RPGRIP1: variants seen among roughly 807,000 people sequenced by gnomAD.
RPGRIP1 encodes X-linked retinitis pigmentosa GTPase regulator-interacting protein 1.
RPGRIP1 carries 128 observed loss-of-function variants against 157.9 expected under a neutral mutation model. The ratio of observed to expected loss-of-function variants is 0.81; its 90% CI spans 0.70 to 0.94. The LOEUF (loss-of-function observed/expected upper bound fraction) is 0.94. RPGRIP1 is among the 40% of genes least tolerant of loss of function. RPGRIP1 has a pLI of 0.00. For synonymous variants in RPGRIP1, 554 were observed against 571.6 expected (o/e 0.97, Z 0.44); for missense variants, 1,486 against 1,545.8 (o/e 0.96, Z 0.65).
chr14:21,317,726 G>A lies in RPGRIP1; in HGVS notation c.1182G>A (p.Gln394=). ...SMLDSSDSSS[Q]PHWSNELIAE... Reference sequence around the variant, plus strand: ...TGGACAGCAGTGACAGCTCCAGTCAGCCCCACTGGAGCAACGAGCTCATAG... The same window carrying A: ...TGGACAGCAGTGACAGCTCCAGTCAACCCCACTGGAGCAACGAGCTCATAG... Residue 394 remains glutamine (Q), a synonymous_variant, in exon 11 of 25, where the codon CAG becomes CAA. Transcript: ENST00000400017. 13 of 1,588,238 alleles carry A rather than the reference G, an allele frequency of 8.2e-6. No homozygotes were observed. The highest frequency in any genetic ancestry group is 1.0e-5 in the Non-Finnish European group (12 of 1,167,264).
intron 1 of RPGRIP1, among the ~76,000 whole-genome samples, chr14:21,281,791 G>A (rs1375322571): frequency 6.6e-6 from 1 of 150,800 alleles, no homozygotes; most frequent in East Asian, 1.9e-4. Context: ...GTGATACAGA[G>A]TGTAAAAAAG....
Position 21,301,234 on chromosome 14 carries a change from AGG to A in RPGRIP1, c.490_490+1del. ...TGCACCGGTGCCGGAGAAACCCAAGAGGGGTGAGATTTAAGGCTACATCCCCT... is the reference window on the plus strand; with the variant it reads ...TGCACCGGTGCCGGAGAAACCCAAGAGGTGAGATTTAAGGCTACATCCCCT... ...AGAPVPEKPK[R>X]GPRDRLSYTA... is the part of the protein sequence containing the mutation. On this transcript the variant is annotated frameshift_variant and splice_region_variant, in exon 4 of 25. Coordinates refer to ENST00000400017, the MANE Select transcript of RPGRIP1 (RefSeq NM_020366.4). LOFTEE classifies it high-confidence loss of function. 6.3e-7 allele frequency: 1 copy of A among 1,584,948 alleles called. No individual in the cohort carries two copies. Among genetic ancestry groups the A allele is most frequent in the African/African-American group, 1.3e-5 (1 of 74,348 alleles).
At chr14:21,340,695 G>A (rs191562872) in intron 21 of RPGRIP1, among the ~76,000 whole-genome samples, 154 of 152,232 alleles carry the variant, frequency 1.0e-3, no homozygotes, top group African/African-American at 3.6e-3. Context: ...ACTCTAGACA[G>A]TCTGATATAA....
In RPGRIP1 at chr14:21,324,768, C is replaced by T. The variant is rs1010290273; in HGVS notation, c.1913C>T (p.Thr638Ile). Reference sequence around the variant, plus strand: ...CTGCACATCCACCAGGCCTTCCTGACATCTGCCGCCCTAGCTCAGGCTGGA... The same window carrying T: ...CTGCACATCCACCAGGCCTTCCTGATATCTGCCGCCCTAGCTCAGGCTGGA... ...FELHIHQAFL[T>I]SAALAQAGDT... is the part of the protein sequence containing the mutation. Residue 638 changes from threonine (T) to isoleucine (I), a missense_variant, in exon 15 of 25, where the codon ACA becomes ATA. Transcript: ENST00000400017. 18 of 1,613,968 alleles carry T rather than the reference C, an allele frequency of 1.1e-5. No individual in the cohort carries two copies. Among genetic ancestry groups the T allele is most frequent in the Non-Finnish European group, 1.5e-5 (18 of 1,179,910 alleles).
intron 3 of RPGRIP1, among the ~76,000 whole-genome samples, chr14:21,295,639 A>G (rs1309235985): frequency 6.6e-6 from 1 of 151,906 alleles, no homozygotes; most frequent in African/African-American, 2.4e-5. Flanking sequence ...ATGCGCCACC[A>G]CACTCAGCTA....
At chr14:21,342,641 C>A (rs1433818977) in intron 21 of RPGRIP1, among the ~76,000 whole-genome samples, 1 of 151,988 alleles carries the variant, frequency 6.6e-6, no homozygotes, top group Non-Finnish European at 1.5e-5. Context: ...TTTATATATT[C>A]CACTGTGGTG....
intron 21 of RPGRIP1, among the ~76,000 whole-genome samples, chr14:21,341,212 A>G (rs1389300925): frequency 2.6e-5 from 4 of 151,980 alleles, no homozygotes; most frequent in Non-Finnish European, 2.9e-5. Context: ...TGTATTTTTA[A>G]TAGAGATGCG....
intron 23 of RPGRIP1, among the ~76,000 whole-genome samples, chr14:21,347,435 CAAT>C (rs1194818116): frequency 1.3e-5 from 2 of 152,140 alleles, no homozygotes; most frequent in Non-Finnish European, 2.9e-5. Flanking sequence ...TTGAAGTTCT[CAAT>C]AATGACATAG....
intron 21 of RPGRIP1, among the ~76,000 whole-genome samples, chr14:21,338,858 G>T (rs1225327572): frequency 2.6e-5 from 4 of 152,258 alleles, no homozygotes; most frequent in Admixed American, 2.6e-4. Context: ...TAAAAAATTT[G>T]CTGGGTGTGG....
At position 21,351,102 on chromosome 14, in the gene RPGRIP1, A is replaced by G. The variant is rs376517859; in HGVS notation, c.3749-2A>G. The G allele has an allele frequency of 5.0e-6, 8 of 1,588,074 alleles. No homozygotes were observed. The African/African-American group carries it at 1.1e-4, about 21-fold the overall frequency. ...ATGCTGTTTTTTTCCCTTTCCCAACAGTTGTTAGCCCTGAAGATCTGGCTA... is the reference window on the plus strand; with the variant it reads ...ATGCTGTTTTTTTCCCTTTCCCAACGGTTGTTAGCCCTGAAGATCTGGCTA... On this transcript the variant is annotated splice_acceptor_variant, in intron 24 of 24. Coordinates refer to ENST00000400017, the MANE Select transcript of RPGRIP1 (RefSeq NM_020366.4). LOFTEE classifies it high-confidence loss of function.
rs757642045 is a variant in RPGRIP1, at chr14:21,325,033, G to T, written c.2178G>T (p.Glu726Asp). 1 of 1,613,092 alleles carries T rather than the reference G, an allele frequency of 6.2e-7. No homozygotes were observed. The highest frequency in any genetic ancestry group is 1.1e-5 in the South Asian group (1 of 91,062). The change falls in exon 15 of 25, where the codon GAG (glutamate) becomes GAT (aspartate). Residue 726 changes from glutamate (E) to aspartate (D), a missense_variant. Physicochemically the swap from Glu to Asp is conservative, Grantham distance 45. Coordinates refer to ENST00000400017, the MANE Select transcript of RPGRIP1 (RefSeq NM_020366.4). ...GGATTTGCTTTGACAGGGTGCTAGA[G>T]ACTGTGGAGAAAGTCCATGGCTTGG... ...AGWICFDRVL[E>D]TVEKVHGLAT... is the part of the protein sequence containing the mutation.
rs756920414 is a variant in RPGRIP1 at position 21,311,849 on chromosome 14, A to G, written c.956A>G (p.His319Arg). The G allele has an allele frequency of 2.5e-6, 4 of 1,609,990 alleles. No individual in the cohort carries two copies. Among genetic ancestry groups the G allele is most frequent in the Non-Finnish European group, 3.4e-6 (4 of 1,178,386 alleles). ...QKNQGILSAAHEALLKQVNEL... is the reference protein window; with the variant it reads ...QKNQGILSAAREALLKQVNEL... The stretch of plus-strand genomic sequence containing the variant: ...AATCAGGGAATCCTGAGTGCAGCCC[A>G]TGAGGCCCTCCTCAAGCAAGTGAAT... The change falls in exon 9 of 25, where the codon CAT becomes CGT. Residue 319 changes from histidine to arginine, a missense_variant. Physicochemically the swap from His to Arg is conservative, Grantham distance 29. Transcript: ENST00000400017.
At chr14:21,320,542 C>T (rs1478500606) in intron 12 of RPGRIP1, among the ~76,000 whole-genome samples, 4 of 151,028 alleles carry the variant, frequency 2.6e-5, no homozygotes, top group African/African-American at 9.7e-5. Flanking sequence ...CCGCCCACCT[C>T]GGCCTCCCAA....
chr14:21,290,064 C>T (rs1168364261), intron 2 of RPGRIP1, among the ~76,000 whole-genome samples: 2 of 151,742 alleles, frequency 1.3e-5, no homozygotes, highest in Non-Finnish European at 2.9e-5. Context: ...ACCATGCTGG[C>T]CGGACTGGTC....
Position 21,321,000 on chromosome 14 carries a change from C to A in RPGRIP1, c.1468-259C>A, listed in dbSNP as rs934165319. Among the ~76,000 whole-genome samples, 5 of 152,292 alleles carry A rather than the reference C, an allele frequency of 3.3e-5. No homozygotes were observed. The East Asian group carries it at 9.7e-4, about 29-fold the overall frequency. ...CTTTGCAGCTCATAAAATTTAGAAT[C>A]TTTTTCAGATGAGGACTTGAAAAGA... On this transcript the variant is annotated intron_variant, in intron 12 of 24. Coordinates refer to ENST00000400017, the MANE Select transcript of RPGRIP1 (RefSeq NM_020366.4).
At chr14:21,325,095 C>A (rs973442755) in intron 15 of RPGRIP1, 25 bp downstream of exon 15, 6 of 1,578,616 alleles carry the variant, frequency 3.8e-6, no homozygotes, top group Non-Finnish European at 5.2e-6. Context: ...CTTCCTGCGG[C>A]TCCTAAGCAC....
chr14:21,325,003 A>G lies in RPGRIP1; in HGVS notation c.2148A>G (p.Ala716=), dbSNP rs781305621. 2 of 1,614,048 alleles carry G rather than the reference A, an allele frequency of 1.2e-6. No individual in the cohort carries two copies. Among genetic ancestry groups the G allele is most frequent in the Admixed American group, 1.7e-5 (1 of 60,028 alleles). The change falls in exon 15 of 25, where the codon GCA becomes GCG. Residue 716 remains alanine (A), a synonymous_variant. Coordinates refer to ENST00000400017, the MANE Select transcript of RPGRIP1 (RefSeq NM_020366.4). ...AMASEHSTLA[A]GWICFDRVLE... is the part of the protein sequence containing the mutation. ...CCAGTGAACACAGCACTCTTGCTGCAGGATGGATTTGCTTTGACAGGGTGC... is the reference window on the plus strand; with the variant it reads ...CCAGTGAACACAGCACTCTTGCTGCGGGATGGATTTGCTTTGACAGGGTGC...
Position 21,315,424 on chromosome 14 carries a change from G to T in RPGRIP1, c.1152-2272G>T, listed in dbSNP as rs146957362. 3.5e-3 allele frequency among the ~76,000 whole-genome samples: 523 copies of T among 151,048 alleles called. 2 individuals are homozygous for T. The highest frequency in any genetic ancestry group is 0.012 in the African/African-American group (497 of 41,148). ...CGGGAGGCTGAGGCAGGACAATGTC[G>T]TGAATCCGGGAGGCGGAGCTTGCAG... On this transcript the variant is annotated intron_variant, in intron 10 of 24. Transcript: ENST00000400017.
chr14:21,281,699 A>AAAAT (rs1340046596), intron 1 of RPGRIP1, among the ~76,000 whole-genome samples: 31 of 108,408 alleles, frequency 2.9e-4, no homozygotes, highest in African/African-American at 1.7e-4. Flanking sequence ...AAAAAAAAAA[A>AAAAT]AAATAAATAA....
Sources: gnomAD v4.1 joint callset for allele counts (sites outside exome capture counted in the v4.1 genomes callset) on GRCh38, gnomAD v4.1.1 for gene constraint, MANE v1.5 for transcripts, NCBI Gene and HGNC (gene_info 2026-07-23, HGNC 2026-07-21) for gene names.